ZNF385D: variants seen among roughly 807,000 people sequenced by gnomAD.
ZNF385D encodes zinc finger protein 385D, also known as zinc finger protein 659.
A neutral mutation model predicts 35.8 loss-of-function variants in ZNF385D; 15 were observed. That is an observed-to-expected ratio of 0.42 (90% confidence interval 0.28 to 0.64). ZNF385D has a LOEUF of 0.64. ZNF385D is among the 30% of genes least tolerant of loss of function. The pLI is 0.23. For missense variants in ZNF385D, 474 were observed against 494.6 expected (o/e 0.96, Z 0.39); for synonymous variants, 212 against 186.8 (o/e 1.13, Z -1.10).
intron 4 of ZNF385D, among the ~76,000 whole-genome samples, chr3:21,510,009 T>TG (rs1707081680): frequency 1.3e-5 from 2 of 152,246 alleles, no homozygotes; most frequent in African/African-American, 4.8e-5. Flanking sequence ...GTTAAGACAC[T>TG]ATCATTGGTG....
chr3:22,275,423 A>G (rs1202787358), intron 2 of ZNF385D, among the ~76,000 whole-genome samples: 1 of 152,110 alleles, frequency 6.6e-6, no homozygotes, highest in East Asian at 1.9e-4. Context: ...CAAAGTAATT[A>G]CAAAGTACAA....
Position 22,359,907 on chromosome 3 carries a change from C to A in ZNF385D, c.106+12543G>T, listed in dbSNP as rs139516902. ...AGAGAGAATTAGATATACATACTAG[C>A]GGCAACATAATGTTCAATAAAAAGG... On this transcript the variant is annotated intron_variant, in intron 2 of 5. Coordinates refer to the ZNF385D transcript ENST00000494108. Among the ~76,000 whole-genome samples the A allele has an allele frequency of 2.0e-5, 3 of 151,892 alleles. No homozygotes were observed. In the East Asian group the frequency reaches 5.8e-4, roughly 29 times the overall value.
chr3:21,589,505 T>C (rs1171386812), intron 2 of ZNF385D, among the ~76,000 whole-genome samples: 1 of 152,170 alleles, frequency 6.6e-6, no homozygotes, highest in Non-Finnish European at 1.5e-5. Flanking sequence ...TTTAATGGCC[T>C]TACTGTAGGA....
At chr3:22,367,377 C>T (rs1039588526) in intron 2 of ZNF385D, among the ~76,000 whole-genome samples, 16 of 152,130 alleles carry the variant, frequency 1.1e-4, no homozygotes, top group South Asian at 2.1e-4. Flanking sequence ...CTACACTATG[C>T]TAAATAACTG....
intron 3 of ZNF385D, among the ~76,000 whole-genome samples, chr3:21,970,081 G>T (rs1703152422): frequency 6.6e-6 from 1 of 152,122 alleles, no homozygotes; most frequent in Non-Finnish European, 1.5e-5. Flanking sequence ...TGAATACTTG[G>T]AAATGCTTCC....
chr3:21,423,934 A>G, intron 7 of ZNF385D, 29 bp downstream of exon 7: 1 of 1,591,654 alleles, frequency 6.3e-7, no homozygotes, highest in Non-Finnish European at 8.6e-7. Flanking sequence ...TTGGGAATAG[A>G]GGCTGGACTC....
intron 3 of ZNF385D, among the ~76,000 whole-genome samples, chr3:22,075,586 T>A (rs1700425215): frequency 6.6e-6 from 1 of 151,910 alleles, no homozygotes. Flanking sequence ...TTTTCTACCA[T>A]CTTTTGTAAG....
intron 4 of ZNF385D, among the ~76,000 whole-genome samples, chr3:21,447,557 C>T (rs1702219283): frequency 6.6e-6 from 1 of 152,200 alleles, no homozygotes; most frequent in Non-Finnish European, 1.5e-5. Flanking sequence ...ATCTGTTTAA[C>T]ATATGTAGTA....
intron 2 of ZNF385D, among the ~76,000 whole-genome samples, chr3:21,647,062 T>A (rs1345433313): frequency 6.6e-6 from 1 of 152,202 alleles, no homozygotes; most frequent in African/African-American, 2.4e-5. Context: ...ATGGACAGAT[T>A]TAGGATTTTT....
chr3:22,166,647 T>G (rs1576432735), intron 3 of ZNF385D, among the ~76,000 whole-genome samples: 2 of 152,244 alleles, frequency 1.3e-5, no homozygotes, highest in East Asian at 3.8e-4. Flanking sequence ...AACCTCTAAC[T>G]GTACTGATAT....
intron 3 of ZNF385D, among the ~76,000 whole-genome samples, chr3:21,913,972 G>C (rs977467039): frequency 1.3e-5 from 2 of 152,068 alleles, no homozygotes; most frequent in Admixed American, 1.3e-4. Context: ...CTTTCATGCA[G>C]GGTGCACAGA....
chr3:21,560,908 C>T lies in ZNF385D; in HGVS notation c.276+3666G>A, dbSNP rs368826315. Among the ~76,000 whole-genome samples, 142 of 152,210 alleles carry T rather than the reference C, an allele frequency of 9.3e-4. 2 individuals are homozygous for T. The South Asian group carries it at 0.019, about 21-fold the overall frequency. ...GGCCTTGCTGAGCTTCAGTGGGCTCCGCTCAGTTCGATCTTCCTGGTGGCT... is the reference window on the plus strand; with the variant it reads ...GGCCTTGCTGAGCTTCAGTGGGCTCTGCTCAGTTCGATCTTCCTGGTGGCT... On this transcript the variant is annotated intron_variant, in intron 3 of 7. Coordinates refer to ENST00000281523, the MANE Select transcript of ZNF385D (RefSeq NM_024697.3).
intron 3 of ZNF385D, among the ~76,000 whole-genome samples, chr3:22,154,568 AG>A (rs1705463928): frequency 6.6e-6 from 1 of 152,212 alleles, no homozygotes; most frequent in Non-Finnish European, 1.5e-5. Flanking sequence ...AAAGTGGAAT[AG>A]TCCTGGAGTC....
At chr3:21,523,553 A>G (rs1255748888) in intron 3 of ZNF385D, among the ~76,000 whole-genome samples, 1 of 152,192 alleles carries the variant, frequency 6.6e-6, no homozygotes, top group Non-Finnish European at 1.5e-5. Context: ...TCAATTTTTC[A>G]GTACCTATTC....
chr3:21,873,713 T>C (rs549231978), intron 3 of ZNF385D, among the ~76,000 whole-genome samples: 9 of 152,252 alleles, frequency 5.9e-5, no homozygotes, highest in Admixed American at 3.9e-4. Context: ...AGATAACTTC[T>C]GTATGTAGAA....
intron 3 of ZNF385D, among the ~76,000 whole-genome samples, chr3:22,141,282 A>G (rs535691988): frequency 6.6e-6 from 1 of 152,290 alleles, no homozygotes; most frequent in African/African-American, 2.4e-5. Flanking sequence ...CATTAAAAAA[A>G]ATTAGCTGGC....
intron 3 of ZNF385D, among the ~76,000 whole-genome samples, chr3:21,871,178 T>C (rs1001600505): frequency 1.3e-5 from 2 of 152,218 alleles, no homozygotes; most frequent in Admixed American, 6.5e-5. Flanking sequence ...AGACATGCTG[T>C]TGTACCAGGT....
chr3:21,948,315 A>G (rs1442112304), intron 3 of ZNF385D, among the ~76,000 whole-genome samples: 2 of 152,116 alleles, frequency 1.3e-5, no homozygotes, highest in African/African-American at 4.8e-5. Flanking sequence ...GCAAATTAAA[A>G]AAAACTTTCC....
intron 2 of ZNF385D, among the ~76,000 whole-genome samples, chr3:21,585,497 A>G (rs1421126736): frequency 6.6e-6 from 1 of 152,218 alleles, no homozygotes; most frequent in African/African-American, 2.4e-5. Context: ...TTGTAAAGGA[A>G]TCTTGGCTCA....
Sources: allele counts gnomAD v4.1 joint callset (sites outside exome capture counted in the v4.1 genomes callset), GRCh38; gene constraint gnomAD v4.1.1; transcripts MANE v1.5; gene names NCBI Gene and HGNC (gene_info 2026-07-23, HGNC 2026-07-21).